DCC: variants seen among roughly 807,000 people sequenced by gnomAD.
The protein encoded by DCC is DCC netrin 1 receptor, also known as netrin receptor DCC.
A neutral mutation model predicts 172.5 loss-of-function variants in DCC; 58 were observed. That is an observed-to-expected ratio of 0.34 (90% CI 0.27 to 0.42). The LOEUF is 0.42. Among genes scored for constraint, DCC ranks in the 10% least tolerant of loss-of-function variants. The pLI, the probability that DCC is intolerant of heterozygous loss-of-function variation, is 1.00. For missense variants in DCC, 1,740 were observed against 1,791.0 expected (o/e 0.97, Z 0.51); for synonymous variants, 709 against 644.5 (o/e 1.10, Z -1.52).
intron 9 of DCC, among the ~76,000 whole-genome samples, chr18:53,194,496 C>G (rs1045471580): frequency 4.6e-5 from 7 of 151,486 alleles, no homozygotes; most frequent in Admixed American, 2.6e-4. Context: ...TAGATGGAGT[C>G]TTGCTCTGTT....
chr18:52,394,503 C>A (rs1404992278), intron 1 of DCC, among the ~76,000 whole-genome samples: 1 of 151,890 alleles, frequency 6.6e-6, no homozygotes, highest in Non-Finnish European at 1.5e-5. Context: ...TTTCCAACTC[C>A]TGGTCTCAGG....
At chr18:53,229,500 G>A (rs1368979772) in intron 12 of DCC, among the ~76,000 whole-genome samples, 1 of 151,952 alleles carries the variant, frequency 6.6e-6, no homozygotes, top group African/African-American at 2.4e-5. Context: ...TGCCCTTTAG[G>A]TTATTCATAT....
chr18:52,982,378 C>G (rs925176233), intron 5 of DCC, among the ~76,000 whole-genome samples: 4 of 152,020 alleles, frequency 2.6e-5, no homozygotes, highest in Admixed American at 2.6e-4. Context: ...CTAAGAGTTT[C>G]TCTTCTAAGG....
chr18:52,948,896 A>G (rs774668429), intron 5 of DCC, among the ~76,000 whole-genome samples: 3 of 152,188 alleles, frequency 2.0e-5, no homozygotes, highest in Admixed American at 6.5e-5. Context: ...GCTTGGTCAC[A>G]CAGCTAGGGA....
chr18:52,608,042 T>C (rs1382182991), intron 1 of DCC, among the ~76,000 whole-genome samples: 1 of 152,094 alleles, frequency 6.6e-6, no homozygotes, highest in African/African-American at 2.4e-5. Flanking sequence ...TTTTCCTATA[T>C]TTTGAGAGCA....
chr18:52,691,887 T>C (rs2035935268), intron 1 of DCC, among the ~76,000 whole-genome samples: 1 of 152,172 alleles, frequency 6.6e-6, no homozygotes. Context: ...TCTTTGCTTA[T>C]AACTGACCTG....
intron 1 of DCC, among the ~76,000 whole-genome samples, chr18:52,586,850 A>G (rs1202149555): frequency 1.3e-5 from 2 of 152,186 alleles, no homozygotes; most frequent in African/African-American, 2.4e-5. Context: ...CCAAAATTCT[A>G]TCAGTCCAGC....
intron 2 of DCC, among the ~76,000 whole-genome samples, chr18:52,882,822 G>A (rs1045002779): frequency 1.3e-5 from 2 of 152,062 alleles, no homozygotes; most frequent in Non-Finnish European, 2.9e-5. Flanking sequence ...TTGATTTTCT[G>A]TGTGGAGGAT....
At chr18:52,436,955 C>T (rs1174731126) in intron 1 of DCC, among the ~76,000 whole-genome samples, 2 of 152,082 alleles carry the variant, frequency 1.3e-5, no homozygotes, top group African/African-American at 4.8e-5. Context: ...GAACAACCTT[C>T]TGAGATAATT....
chr18:52,889,582 G>T (rs578182542), intron 2 of DCC, among the ~76,000 whole-genome samples: 1 of 152,052 alleles, frequency 6.6e-6, no homozygotes, highest in South Asian at 2.1e-4. Context: ...ATTTATAATT[G>T]GGTTCTACGT....
chr18:52,759,642 C>A (rs959166733), intron 2 of DCC, among the ~76,000 whole-genome samples: 1 of 151,958 alleles, frequency 6.6e-6, no homozygotes, highest in Non-Finnish European at 1.5e-5. Context: ...TTTTAGAAAA[C>A]CTTTTTGGAA....
intron 1 of DCC, among the ~76,000 whole-genome samples, chr18:52,647,232 G>T (rs1277983287): frequency 1.3e-5 from 2 of 152,156 alleles, no homozygotes; most frequent in Non-Finnish European, 2.9e-5. Flanking sequence ...TCTGTCTCTT[G>T]GGAATGTTGA....
At chr18:53,406,497 G>C (rs1599114583) in intron 19 of DCC, among the ~76,000 whole-genome samples, 1 of 151,918 alleles carries the variant, frequency 6.6e-6, no homozygotes, top group Non-Finnish European at 1.5e-5. Flanking sequence ...CTGAGGTCAT[G>C]AGTTCAAAAC....
intron 5 of DCC, among the ~76,000 whole-genome samples, chr18:52,945,816 C>T (rs1428962318): frequency 6.6e-6 from 1 of 152,182 alleles, no homozygotes; most frequent in Non-Finnish European, 1.5e-5. Context: ...AGCCTACAGG[C>T]TTTGTTTGTT....
chr18:53,500,288 A>C (rs1011438263), intron 27 of DCC, among the ~76,000 whole-genome samples: 11 of 151,154 alleles, frequency 7.3e-5, no homozygotes, highest in African/African-American at 2.7e-4. Context: ...ATGTCAATAG[A>C]TAAGTAGAGA....
At chr18:53,135,808 C>T (rs1024092122) in intron 7 of DCC, among the ~76,000 whole-genome samples, 1 of 152,134 alleles carries the variant, frequency 6.6e-6, no homozygotes, top group Non-Finnish European at 1.5e-5. Context: ...CCTCAATCTA[C>T]AAGCCACATT....
chr18:52,458,514 A>G (rs1490328389), intron 1 of DCC, among the ~76,000 whole-genome samples: 1 of 152,178 alleles, frequency 6.6e-6, no homozygotes. Context: ...TTTGAAAATC[A>G]GAGAAACAGA....
intron 1 of DCC, among the ~76,000 whole-genome samples, chr18:52,682,503 A>G (rs2035764628): frequency 6.6e-6 from 1 of 152,060 alleles, no homozygotes; most frequent in Admixed American, 6.6e-5. Flanking sequence ...GAGCCACCAA[A>G]TGCTTGTGAG....
chr18:52,342,269 G>A (rs995606247), intron 1 of DCC, among the ~76,000 whole-genome samples: 1 of 118,442 alleles, frequency 8.4e-6, no homozygotes, highest in Admixed American at 8.9e-5. Context: ...CAGGAGGGGT[G>A]TGTGTGTGTG....
Sources: gnomAD v4.1 joint callset for allele counts (sites outside exome capture counted in the v4.1 genomes callset) on GRCh38, gnomAD v4.1.1 for gene constraint, MANE v1.5 for transcripts, NCBI Gene and HGNC (gene_info 2026-07-23, HGNC 2026-07-21) for gene names.